The following ZC3H3 variants were observed in gnomAD, a reference collection of about 807,000 sequenced individuals.
The protein encoded by ZC3H3 is zinc finger CCCH-type containing 3.
A neutral mutation model predicts 77.3 loss-of-function variants in ZC3H3; 36 were observed. The ratio of observed to expected loss-of-function variants is 0.47; its 90% CI spans 0.36 to 0.61. The LOEUF (loss-of-function observed/expected upper bound fraction) is 0.61, where lower values mean the gene tolerates loss of function less well. ZC3H3 is among the 20% of genes least tolerant of loss of function. The probability of loss-of-function intolerance (pLI) is 0.00; values close to 1 mark genes in which losing one functional copy is unlikely to be tolerated. For missense variants in ZC3H3, 1,331 were observed against 1,312.2 expected (o/e 1.01, Z -0.22); for synonymous variants, 626 against 555.2 (o/e 1.13, Z -1.79).
Position 143,468,279 on chromosome 8 carries a change from C to A in ZC3H3, c.2106-1G>T. ...TTTCTTGCAGGTGCCCCGGACAAAC[C>A]TGCAGCACCAGGAGAAACGGGTATG... On this transcript the variant is annotated splice_acceptor_variant, in intron 7 of 11. Coordinates refer to ENST00000262577, the MANE Select transcript of ZC3H3 (RefSeq NM_015117.3). LOFTEE classifies it high-confidence loss of function. 6.2e-7 allele frequency: 1 copy of A among 1,613,116 alleles called. No homozygotes were observed. Among genetic ancestry groups the A allele is most frequent in the Non-Finnish European group, 8.5e-7 (1 of 1,179,952 alleles).
intron 4 of ZC3H3, among the ~76,000 whole-genome samples, chr8:143,496,634 G>A (rs780995402): frequency 6.6e-6 from 1 of 152,226 alleles, no homozygotes; most frequent in Non-Finnish European, 1.5e-5. Flanking sequence ...AAGGAGGGGT[G>A]GGAAAGTTAT....
chr8:143,525,494 C>G (rs1655058522), intron 3 of ZC3H3, among the ~76,000 whole-genome samples: 1 of 152,202 alleles, frequency 6.6e-6, no homozygotes, highest in South Asian at 2.1e-4. Context: ...CCCAAGGGAC[C>G]CCACAGCACG....
rs370765124 is a variant in ZC3H3, at chr8:143,478,802, G to A, written c.1716-3217C>T. ...CGGGATTACAGGCATGAGCCACTGC[G>A]CCCAGCCGCCCCTGCTCATTCTCAT... is the stretch of plus-strand genomic sequence containing the variant. On this transcript the variant is annotated intron_variant, in intron 4 of 11. Transcript: ENST00000262577. 5.2e-4 allele frequency among the ~76,000 whole-genome samples: 79 copies of A among 152,310 alleles called. 1 individual carries two copies. The highest frequency in any genetic ancestry group is 7.1e-4 in the Non-Finnish European group (48 of 68,030).
chr8:143,537,760 G>A (rs1187660223), intron 2 of ZC3H3, among the ~76,000 whole-genome samples: 6 of 152,204 alleles, frequency 3.9e-5, no homozygotes, highest in African/African-American at 1.4e-4. Flanking sequence ...CTCACCGGCA[G>A]GAGAAAGGAT....
chr8:143,495,213 G>C (rs956696252), intron 4 of ZC3H3, among the ~76,000 whole-genome samples: 1 of 152,210 alleles, frequency 6.6e-6, no homozygotes, highest in Admixed American at 6.5e-5. Context: ...AGAAAGGAAG[G>C]CTCCCTGGCA....
chr8:143,447,904 G>A (rs1819898460), intron 9 of ZC3H3, among the ~76,000 whole-genome samples: 1 of 152,176 alleles, frequency 6.6e-6, no homozygotes, highest in African/African-American at 2.4e-5. Context: ...TGAGGCGGGT[G>A]GATTGCCTGA....
rs1223740129 is a variant in ZC3H3, at chr8:143,462,322, G to C, written c.2307+3395C>G. On this transcript the variant is annotated intron_variant, in intron 9 of 11. Transcript: ENST00000262577. The surrounding 1 kb of genome is among the most constrained non-coding windows in gnomAD (Gnocchi z 4.7). ...TCTTGAGCCAGCATCAGGCAATGCA[G>C]GAGGCACTCTGTGACCATGGGTGGA... Among the ~76,000 whole-genome samples the C allele has an allele frequency of 6.6e-6, 1 of 152,224 alleles. No homozygotes were observed. Among genetic ancestry groups the C allele is most frequent in the Non-Finnish European group, 1.5e-5 (1 of 68,030 alleles).
At chr8:143,479,262 G>A (rs1330500644) in intron 4 of ZC3H3, among the ~76,000 whole-genome samples, 1 of 152,208 alleles carries the variant, frequency 6.6e-6, no homozygotes, top group Non-Finnish European at 1.5e-5. Flanking sequence ...GGAGGGCATG[G>A]GGCGAGGGCC....
At chr8:143,523,414 T>G (rs1822313889) in intron 3 of ZC3H3, 1 of 985,432 alleles carries the variant, frequency 1.0e-6, no homozygotes, top group Middle Eastern at 5.2e-4. Flanking sequence ...GTTTTCCCGG[T>G]GCCCTGTCTG....
intron 2 of ZC3H3, 35 bp from the exon 3 acceptor site, chr8:143,536,488 C>A: frequency 6.9e-7 from 1 of 1,456,864 alleles, no homozygotes; most frequent in Non-Finnish European, 9.1e-7. Context: ...TCTCAACAAG[C>A]CCTGGGGGTT....
At chr8:143,457,399 G>C (rs1288599843) in intron 9 of ZC3H3, among the ~76,000 whole-genome samples, 1 of 151,908 alleles carries the variant, frequency 6.6e-6, no homozygotes, top group Admixed American at 6.6e-5. Context: ...TAATCCATAG[G>C]GCAAAGAGAA....
chr8:143,508,512 A>G (rs182120380), intron 3 of ZC3H3, among the ~76,000 whole-genome samples: 14 of 152,346 alleles, frequency 9.2e-5, no homozygotes, highest in Admixed American at 9.1e-4. Context: ...GTTTCATGCA[A>G]TTAACAGGAA....
intron 3 of ZC3H3, among the ~76,000 whole-genome samples, chr8:143,518,757 C>T (rs1323937794): frequency 1.3e-5 from 2 of 152,272 alleles, no homozygotes; most frequent in African/African-American, 4.8e-5. Flanking sequence ...CTGGCCCGAC[C>T]GCTTGTGCTC....
intron 3 of ZC3H3, among the ~76,000 whole-genome samples, chr8:143,508,549 G>C (rs1228241972): frequency 6.6e-6 from 1 of 152,210 alleles, no homozygotes; most frequent in Non-Finnish European, 1.5e-5. Context: ...CCTTCCACTT[G>C]ATAGCTGGCA....
At chr8:143,517,972 C>T (rs1343886484) in intron 3 of ZC3H3, among the ~76,000 whole-genome samples, 5 of 152,188 alleles carry the variant, frequency 3.3e-5, no homozygotes, top group African/African-American at 4.8e-5. Context: ...GAGTGAGGCA[C>T]GGCCAAGCCC....
At position 143,493,215 on chromosome 8, in the gene ZC3H3, G is replaced by A. The variant is rs1044335476; in HGVS notation, c.1715+14531C>T. On this transcript the variant is annotated intron_variant, in intron 4 of 11. Transcript: ENST00000262577. The surrounding 1 kb of genome is among the most constrained non-coding windows in gnomAD (Gnocchi z 4.8). ...CCTCAGGGTCCCGTGTCCTGGCCCA[G>A]GGGCTCCCTCCTCAGGGTCCTGTGT... Among the ~76,000 whole-genome samples the A allele has an allele frequency of 5.9e-4, 89 of 152,032 alleles. No individual in the cohort carries two copies. Among genetic ancestry groups the A allele is most frequent in the East Asian group, 1.9e-4 (1 of 5,184 alleles).
intron 4 of ZC3H3, among the ~76,000 whole-genome samples, chr8:143,482,101 C>A (rs1285987489): frequency 6.6e-6 from 1 of 152,260 alleles, no homozygotes; most frequent in Admixed American, 6.5e-5. Flanking sequence ...CCCTGCAGGG[C>A]CAGGCACTCA....
chr8:143,503,956 G>A (rs989613557), intron 4 of ZC3H3, among the ~76,000 whole-genome samples: 2 of 152,174 alleles, frequency 1.3e-5, no homozygotes, highest in Non-Finnish European at 1.5e-5. Flanking sequence ...CCACCAGGCC[G>A]ACAGTAAGTT....
At chr8:143,535,098 G>A (rs1822751419) in intron 3 of ZC3H3, among the ~76,000 whole-genome samples, 1 of 151,970 alleles carries the variant, frequency 6.6e-6, no homozygotes, top group South Asian at 2.1e-4. Flanking sequence ...AGACTGGAAT[G>A]CAATGGAACG....
Sources: gnomAD v4.1 joint callset for allele counts (sites outside exome capture counted in the v4.1 genomes callset) on GRCh38, gnomAD v4.1.1 for gene constraint, Gnocchi (gnomAD v3.1) non-coding constraint, MANE v1.5 for transcripts, NCBI Gene and HGNC (gene_info 2026-07-23, HGNC 2026-07-21) for gene names.